Variants in HMGCLL1 observed in about 807,000 individuals in gnomAD.
The protein encoded by HMGCLL1 is 3-hydroxy-3-methylglutaryl-CoA lyase like 1, also known as 3-hydroxymethyl-3-methylglutaryl-CoA lyase, cytoplasmic.
HMGCLL1 carries 36 observed loss-of-function variants against 39.1 expected under a neutral mutation model. That is an observed-to-expected ratio of 0.92 (90% CI 0.71 to 1.22). The LOEUF is 1.22. Among genes scored for constraint, HMGCLL1 ranks in the 50% most tolerant of loss-of-function variants. The probability of loss-of-function intolerance (pLI) is 0.00; values close to 1 mark genes in which losing one functional copy is unlikely to be tolerated. For missense variants in HMGCLL1, 451 were observed against 416.5 expected (o/e 1.08, Z -0.72); for synonymous variants, 149 against 144.0 (o/e 1.03, Z -0.25).
the HMGCLL1 span, among the ~76,000 whole-genome samples, chr6:55,589,818 T>A: frequency 6.6e-6 from 1 of 152,080 alleles, no homozygotes; most frequent in Non-Finnish European, 1.5e-5. Flanking sequence ...TCAAAGGGAA[T>A]AAAATACCTA....
chr6:55,538,060 CT>C (rs1454790815), intron 3 of HMGCLL1, among the ~76,000 whole-genome samples: 2 of 151,940 alleles, frequency 1.3e-5, no homozygotes, highest in Non-Finnish European at 2.9e-5. Context: ...GTGTAGCCTT[CT>C]AAAAATTATT....
intron 7 of HMGCLL1, among the ~76,000 whole-genome samples, chr6:55,471,400 T>A (rs970815922): frequency 6.6e-6 from 1 of 151,742 alleles, no homozygotes; most frequent in African/African-American, 2.4e-5. Flanking sequence ...TTCTGCTGCA[T>A]ACAAGAGATT....
At chr6:55,631,476 G>A in the HMGCLL1 span, among the ~76,000 whole-genome samples, 17 of 151,978 alleles carry the variant, frequency 1.1e-4, no homozygotes, top group Non-Finnish European at 2.4e-4. Flanking sequence ...GACCATGGTT[G>A]TCTGCCAGCG....
intron 7 of HMGCLL1, among the ~76,000 whole-genome samples, chr6:55,468,191 A>G (rs1764874484): frequency 6.6e-6 from 1 of 152,008 alleles, no homozygotes; most frequent in Admixed American, 6.6e-5. Flanking sequence ...AGAACTTGAG[A>G]TCTGTCTAAC....
the HMGCLL1 span, among the ~76,000 whole-genome samples, chr6:55,632,181 A>G: frequency 3.3e-5 from 5 of 152,114 alleles, no homozygotes; most frequent in South Asian, 2.1e-4. Context: ...ACTTAAAAAT[A>G]AAACAGCTGC....
chr6:55,520,302 A>G (rs900460468), intron 3 of HMGCLL1, among the ~76,000 whole-genome samples: 10 of 151,638 alleles, frequency 6.6e-5, no homozygotes, highest in African/African-American at 2.4e-4. Context: ...GAAAATGAAC[A>G]GGGATGATAA....
chr6:55,476,190 G>C (rs1765276719), intron 7 of HMGCLL1, among the ~76,000 whole-genome samples: 2 of 151,468 alleles, frequency 1.3e-5, no homozygotes, highest in South Asian at 4.1e-4. Flanking sequence ...TCAATATTGA[G>C]CCTTCCAAGC....
chr6:55,534,631 C>T (rs1036918139), intron 3 of HMGCLL1, among the ~76,000 whole-genome samples: 2 of 152,122 alleles, frequency 1.3e-5, no homozygotes, highest in African/African-American at 4.8e-5. Context: ...GCTGCCCAAG[C>T]CCCCTGCCCC....
At chr6:55,655,176 C>T in the HMGCLL1 span, among the ~76,000 whole-genome samples, 2 of 151,960 alleles carry the variant, frequency 1.3e-5, no homozygotes, top group African/African-American at 4.8e-5. Flanking sequence ...ACCTACTCTA[C>T]TTTTATCACA....
intron 3 of HMGCLL1, 117 bp downstream of exon 3, chr6:55,541,612 T>C: frequency 1.6e-6 from 1 of 615,272 alleles, no homozygotes; most frequent in Non-Finnish European, 2.9e-6. Context: ...CACAGGTTAA[T>C]ATTTTGAAAG....
At chr6:55,639,032 T>C in the HMGCLL1 span, among the ~76,000 whole-genome samples, 1 of 152,114 alleles carries the variant, frequency 6.6e-6, no homozygotes, top group Admixed American at 6.6e-5. Context: ...TTAGTTACTA[T>C]GGTATCATTC....
chr6:55,516,511 A>G lies in HMGCLL1; in HGVS notation c.390T>C (p.His130=), dbSNP rs1345059614. The change falls in exon 4 of 9, where the codon CAT becomes CAC. Residue 130 remains histidine (H), a synonymous_variant. Transcript: ENST00000274901. ...VLTPNLQGFH[H]AVAAGATEIS... ...GAGATATTAGTAGCACACTTACAGC[A>G]TGGTGAAAACCCTGAAGATTAGGAG... 3 of 1,587,480 alleles carry G rather than the reference A, an allele frequency of 1.9e-6. No homozygotes were observed. The highest frequency in any genetic ancestry group is 2.6e-6 in the Non-Finnish European group (3 of 1,160,238).
At chr6:55,539,492 G>A (rs563783930) in intron 3 of HMGCLL1, among the ~76,000 whole-genome samples, 1 of 152,162 alleles carries the variant, frequency 6.6e-6, no homozygotes, top group East Asian at 1.9e-4. Context: ...TGTATACCAT[G>A]GAATACTATA....
chr6:55,536,076 G>C (rs564490884), intron 3 of HMGCLL1, among the ~76,000 whole-genome samples: 31 of 152,258 alleles, frequency 2.0e-4, no homozygotes, highest in African/African-American at 7.2e-4. Flanking sequence ...TGCCAATAAA[G>C]AGCTACTTGT....
chr6:55,457,502 G>T (rs1466109273), intron 7 of HMGCLL1, among the ~76,000 whole-genome samples: 1 of 152,144 alleles, frequency 6.6e-6, no homozygotes, highest in African/African-American at 2.4e-5. Context: ...GCCAGGATAA[G>T]AAGTTTGAGT....
At chr6:55,444,150 A>T (rs1413850116) in intron 7 of HMGCLL1, among the ~76,000 whole-genome samples, 1 of 152,100 alleles carries the variant, frequency 6.6e-6, no homozygotes, top group Non-Finnish European at 1.5e-5. Context: ...AGGGAGTGTT[A>T]TTGGAACTGA....
upstream of HMGCLL1, among the ~76,000 whole-genome samples, chr6:55,582,425 T>C (rs1374408044): frequency 6.6e-6 from 1 of 152,160 alleles, no homozygotes; most frequent in African/African-American, 2.4e-5. Flanking sequence ...ATATATCTGA[T>C]AAACATTTCT....
the HMGCLL1 span, among the ~76,000 whole-genome samples, chr6:55,600,109 T>C: frequency 6.6e-6 from 1 of 152,188 alleles, no homozygotes; most frequent in African/African-American, 2.4e-5. Context: ...CTGATGACTC[T>C]CTTTAACAAA....
the HMGCLL1 span, among the ~76,000 whole-genome samples, chr6:55,666,249 C>T: frequency 6.6e-6 from 1 of 151,698 alleles, no homozygotes; most frequent in African/African-American, 2.4e-5. Flanking sequence ...GGCCTAGAAA[C>T]AGCATTAACT....
Sources: gnomAD v4.1 joint callset for allele counts (sites outside exome capture counted in the v4.1 genomes callset) on GRCh38, gnomAD v4.1.1 for gene constraint, MANE v1.5 for transcripts, NCBI Gene and HGNC (gene_info 2026-07-23, HGNC 2026-07-21) for gene names.